Variants in AGBL4 observed in about 807,000 individuals in gnomAD.
AGBL4 encodes cytosolic carboxypeptidase 6.
Under a neutral mutation model 66.4 loss-of-function variants are expected in AGBL4, and 58 were observed. The ratio of observed to expected loss-of-function variants is 0.87; its 90% CI spans 0.71 to 1.09. The LOEUF is 1.09. Ranked by LOEUF, AGBL4 falls within the 50% of genes least tolerant of loss-of-function variation. The probability of loss-of-function intolerance (pLI) is 0.00; values close to 1 mark genes in which losing one functional copy is unlikely to be tolerated. For missense variants in AGBL4, 579 were observed against 631.0 expected, an observed-to-expected ratio of 0.92 and a Z score of 0.88; for synonymous variants, 234 against 222.9, an observed-to-expected ratio of 1.05 and a Z score of -0.44.
At chr1:48,553,305 G>C (rs560956206) in intron 11 of AGBL4, among the ~76,000 whole-genome samples, 2 of 152,272 alleles carry the variant, frequency 1.3e-5, no homozygotes, top group South Asian at 2.1e-4. Context: ...GAGATATTCA[G>C]CTCCTGCTTG....
chr1:48,673,272 A>G (rs1023402919), intron 6 of AGBL4, among the ~76,000 whole-genome samples: 2 of 152,150 alleles, frequency 1.3e-5, no homozygotes, highest in Admixed American at 1.3e-4. Context: ...TTGGAAGGAC[A>G]TTATTAATAC....
chr1:48,560,635 G>T (rs1319833050), intron 11 of AGBL4, among the ~76,000 whole-genome samples: 2 of 152,188 alleles, frequency 1.3e-5, no homozygotes, highest in African/African-American at 4.8e-5. Context: ...ACTTGAAGAA[G>T]CTCTGGCCTA....
intron 5 of AGBL4, among the ~76,000 whole-genome samples, chr1:48,941,574 C>T (rs1453347440): frequency 6.6e-6 from 1 of 152,090 alleles, no homozygotes; most frequent in African/African-American, 2.4e-5. Flanking sequence ...TTGTAAGACT[C>T]CTTGGGATCC....
At chr1:48,814,996 G>A (rs895541636) in intron 6 of AGBL4, among the ~76,000 whole-genome samples, 1 of 152,108 alleles carries the variant, frequency 6.6e-6, no homozygotes, top group African/African-American at 2.4e-5. Flanking sequence ...CACAGTGGCT[G>A]TACTAGTTTA....
intron 5 of AGBL4, among the ~76,000 whole-genome samples, chr1:49,014,668 GA>G (rs1662682010): frequency 6.6e-6 from 1 of 152,072 alleles, no homozygotes; most frequent in African/African-American, 2.4e-5. Context: ...CCCTCTCACT[GA>G]TGCCTTCTAA....
intron 2 of AGBL4, among the ~76,000 whole-genome samples, chr1:49,779,126 G>A (rs534464863): frequency 5.3e-5 from 8 of 152,260 alleles, no homozygotes; most frequent in Admixed American, 3.3e-4. Context: ...TGAAATCAAG[G>A]TGCTCAAAAC....
intron 4 of AGBL4, 68 bp downstream of exon 4, chr1:49,245,702 G>A: frequency 1.8e-6 from 2 of 1,103,006 alleles, no homozygotes; most frequent in Non-Finnish European, 2.6e-6. Context: ...ATTAGTAGGT[G>A]TGTATATGTA....
Position 48,685,171 on chromosome 1 carries a change from A to G in AGBL4, c.635-21930T>C, listed in dbSNP as rs534749946. ...CCAAGTTCCACGATCCTTTCATAGAATTTTTCAAATTTGAATCAGTCAAAT... is the reference window on the plus strand; with the variant it reads ...CCAAGTTCCACGATCCTTTCATAGAGTTTTTCAAATTTGAATCAGTCAAAT... On this transcript the variant is annotated intron_variant, in intron 6 of 13. Transcript: ENST00000371839. 1.4e-4 allele frequency among the ~76,000 whole-genome samples: 22 copies of G among 152,340 alleles called. 1 individual carries two copies. Among genetic ancestry groups the G allele is most frequent in the Admixed American group, 1.3e-3 (20 of 15,304 alleles).
chr1:48,600,328 GATA>G (rs1645056023), intron 9 of AGBL4, among the ~76,000 whole-genome samples: 2 of 152,264 alleles, frequency 1.3e-5, no homozygotes, highest in South Asian at 4.1e-4. Flanking sequence ...TATGGGGGAG[GATA>G]ATAATAACAA....
At chr1:48,610,503 T>G (rs946604515) in intron 9 of AGBL4, among the ~76,000 whole-genome samples, 3 of 152,180 alleles carry the variant, frequency 2.0e-5, no homozygotes, top group Non-Finnish European at 2.9e-5. Context: ...GAAACCTGTT[T>G]TACAATGTAA....
At chr1:48,852,684 T>C (rs962808264) in intron 6 of AGBL4, among the ~76,000 whole-genome samples, 21 of 152,216 alleles carry the variant, frequency 1.4e-4, no homozygotes, top group African/African-American at 4.8e-4. Flanking sequence ...TACGTTAGGA[T>C]AGGAAGGTGT....
chr1:48,624,926 G>A (rs538868780), intron 9 of AGBL4, among the ~76,000 whole-genome samples: 13 of 151,458 alleles, frequency 8.6e-5, no homozygotes, highest in African/African-American at 2.9e-4. Context: ...GTGTGTGCAC[G>A]TGACAGTGTC....
At chr1:48,778,426 T>C (rs772630469) in intron 6 of AGBL4, among the ~76,000 whole-genome samples, 1 of 152,178 alleles carries the variant, frequency 6.6e-6, no homozygotes, top group Non-Finnish European at 1.5e-5. Flanking sequence ...CAATCTAGTC[T>C]AGGAGTATTA....
Position 49,914,520 on chromosome 1 carries a change from G to A in AGBL4, c.35-63002C>T, listed in dbSNP as rs956261341. ...CTTAAGTAATCTCTTGGAAAATTCAGAATTTCCATATAGATCTCTTGAGCC... is the reference window on the plus strand; with the variant it reads ...CTTAAGTAATCTCTTGGAAAATTCAAAATTTCCATATAGATCTCTTGAGCC... On this transcript the variant is annotated intron_variant, in intron 1 of 13. Coordinates refer to ENST00000371839, the MANE Select transcript of AGBL4 (RefSeq NM_032785.4). Among the ~76,000 whole-genome samples the A allele has an allele frequency of 8.5e-5, 13 of 152,126 alleles. No individual in the cohort carries two copies. The South Asian group carries it at 2.1e-3, about 24-fold the overall frequency.
intron 1 of AGBL4, among the ~76,000 whole-genome samples, chr1:49,897,684 C>T (rs1409716749): frequency 6.6e-6 from 1 of 152,050 alleles, no homozygotes; most frequent in Non-Finnish European, 1.5e-5. Context: ...GGAGGAATCA[C>T]ATTACCTGAC....
At chr1:48,628,462 T>C (rs772367770) in intron 9 of AGBL4, among the ~76,000 whole-genome samples, 4 of 152,170 alleles carry the variant, frequency 2.6e-5, no homozygotes, top group Non-Finnish European at 4.4e-5. Flanking sequence ...TTAGTCGTGA[T>C]ATTTAATTCA....
At chr1:49,079,950 CATT>C (rs1644779497) in intron 4 of AGBL4, among the ~76,000 whole-genome samples, 1 of 152,122 alleles carries the variant, frequency 6.6e-6, no homozygotes, top group Non-Finnish European at 1.5e-5. Context: ...AGTGCTAAGA[CATT>C]TAGAAAAAAG....
intron 3 of AGBL4, among the ~76,000 whole-genome samples, chr1:49,514,518 C>T (rs1311771466): frequency 6.6e-6 from 1 of 151,864 alleles, no homozygotes; most frequent in Non-Finnish European, 1.5e-5. Context: ...ACTTTCTTCA[C>T]AGAATTGGAA....
chr1:49,842,381 T>C, intron 2 of AGBL4: 1 of 612,306 alleles, frequency 1.6e-6, no homozygotes, highest in Admixed American at 2.9e-5. Context: ...CCAAGGCATG[T>C]ACCCAGGTGA....
Sources: allele counts gnomAD v4.1 joint callset (sites outside exome capture counted in the v4.1 genomes callset), GRCh38; gene constraint gnomAD v4.1.1; transcripts MANE v1.5; gene names NCBI Gene and HGNC (gene_info 2026-07-23, HGNC 2026-07-21).